Variants in CASR observed in about 807,000 individuals in gnomAD.
CASR encodes calcium sensing receptor.
In CASR, 23 loss-of-function variants were observed where a neutral mutation model predicts 69.1. The ratio of observed to expected loss-of-function variants is 0.33; its 90% confidence interval spans 0.24 to 0.47. The LOEUF (loss-of-function observed/expected upper bound fraction) is 0.47, where lower values mean the gene tolerates loss of function less well. Ranked by LOEUF, CASR falls within the 20% of genes least tolerant of loss-of-function variation. The probability of loss-of-function intolerance (pLI) is 1.00; values close to 1 mark genes in which losing one functional copy is unlikely to be tolerated. For synonymous variants in CASR, 541 were observed against 544.7 expected, an observed-to-expected ratio of 0.99 and a Z score of 0.10; for missense variants, 924 against 1,356.1, an observed-to-expected ratio of 0.68 and a Z score of 5.00.
At chr3:122,194,366 AT>A (rs1484983493) in intron 1 of CASR, among the ~76,000 whole-genome samples, 2 of 152,174 alleles carry the variant, frequency 1.3e-5, no homozygotes, top group East Asian at 3.9e-4. Flanking sequence ...GATCTCATGC[AT>A]CTCTGGGTCC....
chr3:122,214,930 T>C (rs73855703), intron 1 of CASR, among the ~76,000 whole-genome samples: 1,615 of 152,270 alleles, frequency 0.011, 28 homozygotes, highest in African/African-American at 0.036. Context: ...CACAGAAGTG[T>C]GGAATGCATC....
intron 1 of CASR, among the ~76,000 whole-genome samples, chr3:122,201,652 C>T (rs547364166): frequency 4.2e-4 from 35 of 83,258 alleles, no homozygotes; most frequent in East Asian, 3.1e-3. Flanking sequence ...CCCTCCCGGA[C>T]GGGGCGGCTG....
chr3:122,268,127 C>T (rs954763865), intron 4 of CASR, among the ~76,000 whole-genome samples: 4 of 152,172 alleles, frequency 2.6e-5, no homozygotes, highest in Non-Finnish European at 5.9e-5. Context: ...TGGGCAGTCA[C>T]TTAGTGTCCT....
At position 122,285,360 on chromosome 3, in the gene CASR, C is replaced by T; in HGVS notation, c.*169C>T. Reference sequence around the variant, plus strand: ...AAATGACAGTGAATTGACCCATGTTCCCTTTAAAATTAAAAAAAAGAAGAG... The same window carrying T: ...AAATGACAGTGAATTGACCCATGTTTCCTTTAAAATTAAAAAAAAGAAGAG... On this transcript the variant is annotated 3_prime_UTR_variant, in exon 7 of 7. Transcript: ENST00000639785. 4 of 613,180 alleles carry T rather than the reference C, an allele frequency of 6.5e-6. No homozygotes were observed. The highest frequency in any genetic ancestry group is 1.1e-5 in the Non-Finnish European group (4 of 351,980). 38.0% of individuals were successfully genotyped at this position (613,180 alleles called of 1,614,324 possible). A position where few individuals can be genotyped will look rare whatever the true frequency, so the allele number is the denominator to read the frequency against.
chr3:122,193,908 A>G (rs1416978941), intron 1 of CASR, among the ~76,000 whole-genome samples: 1 of 151,998 alleles, frequency 6.6e-6, no homozygotes, highest in Non-Finnish European at 1.5e-5. Flanking sequence ...TTTATACTTT[A>G]TCCTTTTTAT....
intron 1 of CASR, among the ~76,000 whole-genome samples, chr3:122,200,250 G>A (rs1218898775): frequency 6.6e-6 from 1 of 152,284 alleles, no homozygotes; most frequent in East Asian, 1.9e-4. Context: ...AAATGATAAA[G>A]TATTGAGGTG....
intron 1 of CASR, chr3:122,247,194 A>C (rs1304390662): frequency 6.6e-6 from 1 of 152,216 alleles, no homozygotes; most frequent in Non-Finnish European, 1.5e-5. Context: ...GTCCCATACC[A>C]AAATAAGCAA....
chr3:122,279,019 G>A (rs1027392888), intron 5 of CASR, among the ~76,000 whole-genome samples: 2 of 152,190 alleles, frequency 1.3e-5, no homozygotes, highest in African/African-American at 4.8e-5. Context: ...CCTAGAGAAT[G>A]GGATGTAAGT....
chr3:122,211,637 G>A (rs1161689372), intron 1 of CASR, among the ~76,000 whole-genome samples: 1 of 152,198 alleles, frequency 6.6e-6, no homozygotes, highest in East Asian at 1.9e-4. Flanking sequence ...GAGCCTGGGA[G>A]GTGGAGGTTG....
rs1415392034 is a variant in CASR at position 122,235,062 on chromosome 3, A to G, written c.-242-18886A>G. On this transcript the variant is annotated intron_variant, in intron 1 of 6. Transcript: ENST00000639785. The stretch of plus-strand genomic sequence containing the variant: ...GCTCGCAGGAGAGTAGAGAAGGACC[A>G]GGGAGTGCTGGACACTTCTAACAGT... 4.6e-5 allele frequency among the ~76,000 whole-genome samples: 7 copies of G among 152,352 alleles called. No homozygotes were observed. The East Asian group carries it at 9.6e-4, about 21-fold the overall frequency.
intron 1 of CASR, among the ~76,000 whole-genome samples, chr3:122,248,551 A>C (rs994630838): frequency 6.6e-6 from 1 of 152,150 alleles, no homozygotes; most frequent in Non-Finnish European, 1.5e-5. Context: ...TATGGAGATA[A>C]ATTCTATTGG....
At chr3:122,206,133 A>T (rs1439966297) in intron 1 of CASR, among the ~76,000 whole-genome samples, 3 of 152,010 alleles carry the variant, frequency 2.0e-5, no homozygotes, top group Non-Finnish European at 2.9e-5. Flanking sequence ...ATAAATAGTC[A>T]TCCTTGTTTT....
chr3:122,203,107 T>A (rs1477035922), intron 1 of CASR, among the ~76,000 whole-genome samples: 1 of 152,226 alleles, frequency 6.6e-6, no homozygotes, highest in Non-Finnish European at 1.5e-5. Flanking sequence ...TCTTCTGAGG[T>A]ATTGACTGTT....
At chr3:122,245,829 C>T (rs542611273) in intron 1 of CASR, among the ~76,000 whole-genome samples, 5 of 152,234 alleles carry the variant, frequency 3.3e-5, no homozygotes, top group South Asian at 4.1e-4. Context: ...TGTGCACCTG[C>T]GGTCCAATTA....
intron 1 of CASR, among the ~76,000 whole-genome samples, chr3:122,228,065 G>T (rs928178627): frequency 3.9e-5 from 6 of 152,194 alleles, no homozygotes; most frequent in African/African-American, 1.4e-4. Context: ...TCCAGTGGAA[G>T]AACATTGAAT....
At chr3:122,279,573 A>G (rs916807734) in intron 5 of CASR, among the ~76,000 whole-genome samples, 1 of 152,222 alleles carries the variant, frequency 6.6e-6, no homozygotes, top group Non-Finnish European at 1.5e-5. Context: ...AAAGTTCATA[A>G]ATGTAGCTTA....
intron 1 of CASR, among the ~76,000 whole-genome samples, chr3:122,241,326 A>T (rs1055142261): frequency 6.6e-6 from 1 of 152,128 alleles, no homozygotes; most frequent in Non-Finnish European, 1.5e-5. Flanking sequence ...AAATAAATAA[A>T]ATCAGAGATG....
intron 3 of CASR, among the ~76,000 whole-genome samples, chr3:122,258,587 C>T (rs1301592197): frequency 2.0e-5 from 3 of 152,032 alleles, no homozygotes; most frequent in Non-Finnish European, 2.9e-5. Flanking sequence ...GTTATTGTTA[C>T]CCCATGGCCA....
chr3:122,240,144 G>A (rs768099378), intron 1 of CASR, among the ~76,000 whole-genome samples: 29 of 152,152 alleles, frequency 1.9e-4, no homozygotes, highest in Non-Finnish European at 3.4e-4. Context: ...AGAGCAACAG[G>A]AAAGAAGCAT....
Sources: gnomAD v4.1 joint callset for allele counts (sites outside exome capture counted in the v4.1 genomes callset) on GRCh38, gnomAD v4.1.1 for gene constraint, MANE v1.5 for transcripts, NCBI Gene and HGNC (gene_info 2026-07-23, HGNC 2026-07-21) for gene names.